Variants in WNT9A observed in about 807,000 individuals in gnomAD.
WNT9A encodes the protein protein Wnt-9a.
A neutral mutation model predicts 31.4 loss-of-function variants in WNT9A; 8 were observed. That is an observed-to-expected ratio of 0.26 (90% CI 0.15 to 0.46). The LOEUF is 0.46. Ranked by LOEUF, WNT9A falls within the 20% of genes least tolerant of loss-of-function variation. The pLI, the probability that WNT9A is intolerant of heterozygous loss-of-function variation, is 0.99. For synonymous variants in WNT9A, 236 were observed against 220.1 expected, an observed-to-expected ratio of 1.07 and a Z score of -0.64; for missense variants, 457 against 522.9, an observed-to-expected ratio of 0.87 and a Z score of 1.23.
At chr1:227,923,247 C>T (rs937083031) in intron 3 of WNT9A, among the ~76,000 whole-genome samples, 4 of 152,142 alleles carry the variant, frequency 2.6e-5, no homozygotes, top group African/African-American at 9.7e-5. Flanking sequence ...ATTTACCTTA[C>T]CCCTCCCCAG....
chr1:227,939,600 T>C (rs756341167), intron 1 of WNT9A, among the ~76,000 whole-genome samples: 13 of 152,004 alleles, frequency 8.6e-5, no homozygotes, highest in Admixed American at 2.0e-4. Context: ...CCCAGCACAA[T>C]AGACAGGAAG....
intron 1 of WNT9A, among the ~76,000 whole-genome samples, chr1:227,938,089 AG>A (rs1462197808): frequency 6.6e-6 from 1 of 152,156 alleles, no homozygotes; most frequent in Non-Finnish European, 1.5e-5. Context: ...TCATCCCATG[AG>A]ACCAAACCAA....
chr1:227,922,907 G>A (rs891920158), intron 3 of WNT9A, among the ~76,000 whole-genome samples: 3 of 152,152 alleles, frequency 2.0e-5, no homozygotes, highest in Non-Finnish European at 4.4e-5. Flanking sequence ...GGCAACCGAA[G>A]AGTCACATTT....
chr1:227,943,598 C>T (rs1256727962), intron 1 of WNT9A, among the ~76,000 whole-genome samples: 3 of 152,124 alleles, frequency 2.0e-5, no homozygotes, highest in African/African-American at 7.2e-5. Context: ...CCAGTGTCAG[C>T]GAGGAAGTGG....
At position 227,925,284 on chromosome 1, in the gene WNT9A, G is replaced by T; in HGVS notation, c.331C>A (p.Arg111=). The T allele has an allele frequency of 6.4e-7, 1 of 1,569,272 alleles. No individual in the cohort carries two copies. Among genetic ancestry groups the T allele is most frequent in the African/African-American group, 1.4e-5 (1 of 73,788 alleles). Residue 111 remains arginine, a synonymous_variant, in exon 2 of 4, where the codon CGG becomes AGG. Transcript: ENST00000272164. The surrounding 1 kb of genome is among the most constrained non-coding windows in gnomAD (Gnocchi z 6.0). ...TCACCTCGCTTGAGCAGGCTGGCCCGGTAGCGGCCCTCCAGCGTGCAGTTC... is the reference window on the plus strand; with the variant it reads ...TCACCTCGCTTGAGCAGGCTGGCCCTGTAGCGGCCCTCCAGCGTGCAGTTC... The part of the protein sequence containing the change: ...RWNCTLEGRY[R]ASLLKRGFKE...
At chr1:227,931,365 T>C (rs768583198) in intron 1 of WNT9A, among the ~76,000 whole-genome samples, 1 of 152,234 alleles carries the variant, frequency 6.6e-6, no homozygotes, top group Non-Finnish European at 1.5e-5. Flanking sequence ...AGTGCCTGTG[T>C]GAAGGGTCTT....
chr1:227,942,717 G>T lies in WNT9A; in HGVS notation c.95+5076C>A, dbSNP rs1347749490. On this transcript the variant is annotated intron_variant, in intron 1 of 3. Coordinates refer to ENST00000272164, the MANE Select transcript of WNT9A (RefSeq NM_003395.4). This position sits in a 1 kb window ranked among gnomAD's most constrained non-coding sequence, Gnocchi z 5.7. ...GTGTGGCCTTTCTTCCTGATGCCAG[G>T]CCCCACATGCTTCCTGGGGTGTCCT... Among the ~76,000 whole-genome samples, 1 of 152,114 alleles carries T rather than the reference G, an allele frequency of 6.6e-6. No individual in the cohort carries two copies. Among genetic ancestry groups the T allele is most frequent in the Non-Finnish European group, 1.5e-5 (1 of 68,006 alleles).
rs1004198988 is a variant in WNT9A at position 227,926,433 on chromosome 1, G to GGCCCA, written c.96-919_96-915dup. Among the ~76,000 whole-genome samples, 7 of 151,880 alleles carry GGCCCA rather than the reference G, an allele frequency of 4.6e-5. No homozygotes were observed. The highest frequency in any genetic ancestry group is 2.1e-4 in the South Asian group (1 of 4,818). On this transcript the variant is annotated intron_variant, in intron 1 of 3. Transcript: ENST00000272164. The surrounding 1 kb of genome is among the most constrained non-coding windows in gnomAD (Gnocchi z 5.0). ...CAAGGCTTCCCTCACACCCCGCCCTGGCCCAGCCCAGCCCATATCGAGTCA... is the reference window on the plus strand; with the variant it reads ...CAAGGCTTCCCTCACACCCCGCCCTGGCCCAGCCCAGCCCAGCCCATATCGAGTCA...
chr1:227,924,173 G>A lies in WNT9A; in HGVS notation c.580C>T (p.Arg194Cys), dbSNP rs751293485. 8.7e-6 allele frequency: 12 copies of A among 1,378,232 alleles called. No homozygotes were observed. Among genetic ancestry groups the A allele is most frequent in the African/African-American group, 6.0e-5 (4 of 66,170 alleles). The allele number at this position is 1,378,232 out of a possible 1,614,324, so 85.4% of individuals were successfully genotyped here. Residue 194 changes from arginine to cysteine, a missense_variant, in exon 3 of 4, where the codon CGT (arginine) becomes TGT (cysteine). Coordinates refer to ENST00000272164, the MANE Select transcript of WNT9A (RefSeq NM_003395.4). ...ACGAGGTTGTTGTGGAAGTCCACAC[G>A]GGCTCGCAGATCCTTGCTTGACCGT... is the stretch of plus-strand genomic sequence containing the variant. ...GRRSSKDLRA[R>C]VDFHNNLVGV... is the part of the protein sequence containing the mutation.
At chr1:227,931,630 GT>G (rs1422611515) in intron 1 of WNT9A, among the ~76,000 whole-genome samples, 2 of 152,290 alleles carry the variant, frequency 1.3e-5, no homozygotes, top group South Asian at 4.1e-4. Flanking sequence ...AATCACATGA[GT>G]TTTTTTGTTT....
chr1:227,928,476 C>T lies in WNT9A; in HGVS notation c.96-2957G>A, dbSNP rs1666456258. ...TTCACTGAATTCTGTGCTGCTCTGG[C>T]CATGGCCTTCTTAAGCTCCTGCCCC... On this transcript the variant is annotated intron_variant, in intron 1 of 3. Coordinates refer to ENST00000272164, the MANE Select transcript of WNT9A (RefSeq NM_003395.4). The surrounding 1 kb of genome is among the most constrained non-coding windows in gnomAD (Gnocchi z 4.5). Among the ~76,000 whole-genome samples the T allele has an allele frequency of 6.6e-6, 1 of 152,170 alleles. No homozygotes were observed. The highest frequency in any genetic ancestry group is 1.5e-5 in the Non-Finnish European group (1 of 68,022).
chr1:227,921,378 C>T lies in WNT9A; in HGVS notation c.*140G>A. Reference sequence around the variant, plus strand: ...GGACTCAGCCCATGCAGGTGTAGACCCATTCACACTGTGTGCAATGCCTGT... The same window carrying T: ...GGACTCAGCCCATGCAGGTGTAGACTCATTCACACTGTGTGCAATGCCTGT... On this transcript the variant is annotated 3_prime_UTR_variant, in exon 4 of 4. Coordinates refer to ENST00000272164, the MANE Select transcript of WNT9A (RefSeq NM_003395.4). The T allele has an allele frequency of 2.2e-6, 3 of 1,359,858 alleles. No individual in the cohort carries two copies. The highest frequency in any genetic ancestry group is 2.8e-5 in the South Asian group (2 of 70,378). 84.2% of individuals were successfully genotyped at this position (1,359,858 alleles called of 1,614,324 possible).
chr1:227,946,487 C>A (rs1406592610), intron 1 of WNT9A, among the ~76,000 whole-genome samples: 7 of 152,188 alleles, frequency 4.6e-5, no homozygotes, highest in African/African-American at 1.4e-4. Context: ...CTACGGGTTG[C>A]ACAGATGGCG....
chr1:227,928,805 G>A lies in WNT9A; in HGVS notation c.96-3286C>T, dbSNP rs2102721563. Among the ~76,000 whole-genome samples, 1 of 152,326 alleles carries A rather than the reference G, an allele frequency of 6.6e-6. No individual in the cohort carries two copies. The highest frequency in any genetic ancestry group is 1.9e-4 in the East Asian group (1 of 5,184). ...AGGAGTGGTTCCCAACACAACCTCA[G>A]AACAGAGAAGCTTTCTTCCGTGAGA... is the stretch of plus-strand genomic sequence containing the variant. On this transcript the variant is annotated intron_variant, in intron 1 of 3. Transcript: ENST00000272164. This position sits in a 1 kb window ranked among gnomAD's most constrained non-coding sequence, Gnocchi z 4.5.
In WNT9A at chr1:227,925,239, G is replaced by A. The variant is rs1217734660; in HGVS notation, c.352+24C>T. ...GCTGCCACCTGTCTGGGGCCTTCCT[G>A]AGGGCCAGGCCGGCCACACTCACCT... is the stretch of plus-strand genomic sequence containing the variant. On this transcript the variant is annotated intron_variant, in intron 2 of 3. Transcript: ENST00000272164. This position sits in a 1 kb window ranked among gnomAD's most constrained non-coding sequence, Gnocchi z 6.0. The A allele has an allele frequency of 6.6e-7, 1 of 1,517,064 alleles. No individual in the cohort carries two copies. Among genetic ancestry groups the A allele is most frequent in the Non-Finnish European group, 8.9e-7 (1 of 1,129,476 alleles). The allele number at this position is 1,517,064 out of a possible 1,614,324, so 94.0% of individuals were successfully genotyped here. A position where few individuals can be genotyped will look rare whatever the true frequency, so the allele number is the denominator to read the frequency against.
In WNT9A at chr1:227,919,887, A is replaced by C. The variant is rs1666280445; in HGVS notation, c.*1631T>G. On this transcript the variant is annotated 3_prime_UTR_variant, in exon 4 of 4. Coordinates refer to ENST00000272164, the MANE Select transcript of WNT9A (RefSeq NM_003395.4). The stretch of plus-strand genomic sequence containing the variant: ...ACACACTACACCCTCAAACCAAGCC[A>C]GGTCAGTGCAGGTCACCCTGTCCCC... 6.6e-6 allele frequency: 1 copy of C among 152,448 alleles called. No homozygotes were observed. Among genetic ancestry groups the C allele is most frequent in the African/African-American group, 2.4e-5 (1 of 41,410 alleles). 9.4% of individuals were successfully genotyped at this position (152,448 alleles called of 1,614,324 possible). A position where few individuals can be genotyped will look rare whatever the true frequency, so the allele number is the denominator to read the frequency against.
At chr1:227,944,062 C>T (rs1666757624) in intron 1 of WNT9A, among the ~76,000 whole-genome samples, 1 of 152,142 alleles carries the variant, frequency 6.6e-6, no homozygotes. Flanking sequence ...AACACACACA[C>T]ACACACAAAA....
intron 1 of WNT9A, among the ~76,000 whole-genome samples, chr1:227,937,823 C>A (rs922207266): frequency 1.3e-5 from 2 of 152,248 alleles, no homozygotes; most frequent in African/African-American, 4.8e-5. Context: ...TGCCTGACAG[C>A]AGCCCCAGGA....
chr1:227,925,654 GC>G lies in WNT9A; in HGVS notation c.96-136del. The G allele has an allele frequency of 7.4e-7, 1 of 1,348,400 alleles. No individual in the cohort carries two copies. Among genetic ancestry groups the G allele is most frequent in the Non-Finnish European group, 9.7e-7 (1 of 1,026,678 alleles). 83.5% of individuals were successfully genotyped at this position (1,348,400 alleles called of 1,614,324 possible). A position where few individuals can be genotyped will look rare whatever the true frequency, so the allele number is the denominator to read the frequency against. ...AGGGGGCAGAAAGAATCCAGGATGA[GC>G]CAGGCAGGGGAGAGGGAGGCGAGAA... On this transcript the variant is annotated intron_variant, in intron 1 of 3. Coordinates refer to ENST00000272164, the MANE Select transcript of WNT9A (RefSeq NM_003395.4). This position sits in a 1 kb window ranked among gnomAD's most constrained non-coding sequence, Gnocchi z 6.0.
Sources: allele counts gnomAD v4.1 joint callset (sites outside exome capture counted in the v4.1 genomes callset), GRCh38; gene constraint gnomAD v4.1.1; non-coding constraint Gnocchi (gnomAD v3.1); transcripts MANE v1.5; gene names NCBI Gene and HGNC (gene_info 2026-07-23, HGNC 2026-07-21).